Variants in LY75 observed in about 807,000 individuals in gnomAD.
The protein encoded by LY75 is lymphocyte antigen 75, also known as C-type lectin domain family 13 member B.
Under a neutral mutation model 231.7 loss-of-function variants are expected in LY75, and 185 were observed. The observed-to-expected ratio is 0.80, with a 90% CI of 0.71 to 0.90. The LOEUF (loss-of-function observed/expected upper bound fraction) is 0.90. LY75 is among the 40% of genes least tolerant of loss of function. The probability of loss-of-function intolerance (pLI) is 0.00; values close to 1 mark genes in which losing one functional copy is unlikely to be tolerated. For synonymous variants in LY75, 668 were observed against 689.0 expected, an observed-to-expected ratio of 0.97 and a Z score of 0.48; for missense variants, 1,947 against 2,050.2, an observed-to-expected ratio of 0.95 and a Z score of 0.97.
chr2:159,871,075 A>C (rs1685000145), intron 13 of LY75, among the ~76,000 whole-genome samples: 1 of 152,158 alleles, frequency 6.6e-6, no homozygotes. Context: ...AGGGAAATGC[A>C]CTTAACAATG....
intron 27 of LY75, among the ~76,000 whole-genome samples, chr2:159,832,823 C>T (rs746646767): frequency 5.9e-5 from 9 of 152,036 alleles, no homozygotes; most frequent in African/African-American, 9.7e-5. Context: ...TGATGTTATA[C>T]GGAGCATGCT....
Position 159,815,255 on chromosome 2 carries a change from C to T in LY75, c.4549+150G>A, listed in dbSNP as rs1322955976. On this transcript the variant is annotated intron_variant, in intron 31 of 34. Coordinates refer to ENST00000263636, the MANE Select transcript of LY75 (RefSeq NM_002349.4). ...TGACCTCGTGATCCGCACGCCTCGG[C>T]CTCCCAAAGTGCTGGGATTACAGGC... The T allele has an allele frequency of 2.7e-5, 25 of 916,556 alleles. No homozygotes were observed. The South Asian group carries it at 3.5e-4, about 13-fold the overall frequency. 56.8% of individuals were successfully genotyped at this position (916,556 alleles called of 1,614,324 possible). A position where few individuals can be genotyped will look rare whatever the true frequency, so the allele number is the denominator to read the frequency against.
At chr2:159,846,693 C>A (rs1305891585) in intron 23 of LY75, among the ~76,000 whole-genome samples, 1 of 152,040 alleles carries the variant, frequency 6.6e-6, no homozygotes, top group Non-Finnish European at 1.5e-5. Context: ...AAATTTATTT[C>A]TGTAATATTT....
At chr2:159,858,663 G>T (rs947534892) in intron 15 of LY75, among the ~76,000 whole-genome samples, 187 bp from the exon 16 acceptor site, 3 of 152,194 alleles carry the variant, frequency 2.0e-5, no homozygotes, top group Non-Finnish European at 2.9e-5. Context: ...CCTCAAAGGG[G>T]CTAACAAAGG....
At chr2:159,816,506 T>C (rs1355992832) in intron 30 of LY75, among the ~76,000 whole-genome samples, 1 of 152,236 alleles carries the variant, frequency 6.6e-6, no homozygotes, top group African/African-American at 2.4e-5. Flanking sequence ...GGTTTTCTGA[T>C]TCTATGCTAT....
intron 16 of LY75, 51 bp downstream of exon 16, chr2:159,858,311 A>G (rs759685842): frequency 1.4e-5 from 22 of 1,590,194 alleles, no homozygotes; most frequent in Non-Finnish European, 4.3e-6. Context: ...TGAGCTAGGC[A>G]TTCACAATGT....
At position 159,853,293 on chromosome 2, in the gene LY75, G is replaced by C; in HGVS notation, c.2723C>G (p.Ser908Cys). Residue 908 changes from serine (S) to cysteine (C), a missense_variant, in exon 20 of 35, where the codon TCT becomes TGT. Coordinates refer to ENST00000263636, the MANE Select transcript of LY75 (RefSeq NM_002349.4). ...VTFGEECLYMSAKTWLIDLGK... is the reference protein window; with the variant it reads ...VTFGEECLYMCAKTWLIDLGK... ...TTTACCGATAAGCCAAGTCTTGGCA[G>C]ACATGTACAAGCATTCCTCTCCAAA... The C allele has an allele frequency of 6.2e-7, 1 of 1,613,060 alleles. No individual in the cohort carries two copies.
At chr2:159,844,725 C>A (rs1684149725) in intron 23 of LY75, among the ~76,000 whole-genome samples, 1 of 150,496 alleles carries the variant, frequency 6.6e-6, no homozygotes, top group African/African-American at 2.4e-5. Context: ...AAAAAAAACC[C>A]ATAACAAATT....
chr2:159,834,021 G>A (rs746018661), intron 27 of LY75, 23 bp downstream of exon 27: 4 of 1,608,510 alleles, frequency 2.5e-6, no homozygotes, highest in Non-Finnish European at 8.5e-7. Context: ...AGCAACATGA[G>A]AATGGACTAA....
chr2:159,850,261 G>T (rs1048183247), intron 22 of LY75, 101 bp downstream of exon 22: 1 of 1,513,654 alleles, frequency 6.6e-7, no homozygotes, highest in Non-Finnish European at 8.8e-7. Flanking sequence ...CATAACAAAA[G>T]AAGTTTAATA....
chr2:159,848,168 A>G lies in LY75; in HGVS notation c.3150+1812T>C, dbSNP rs987321699. On this transcript the variant is annotated intron_variant, in intron 23 of 34. Transcript: ENST00000263636. ...TTATATATGGTGTGTGTGTGTGTGTATATGTATATATATGTATGTATGTAT... is the reference window on the plus strand; with the variant it reads ...TTATATATGGTGTGTGTGTGTGTGTGTATGTATATATATGTATGTATGTAT... Among the ~76,000 whole-genome samples, 389 of 141,530 alleles carry G rather than the reference A, an allele frequency of 2.7e-3. 1 individual carries two copies. In the Middle Eastern group the frequency reaches 0.036, roughly 13 times the overall value. The allele number at this position is 141,530 out of a possible 152,430, so 92.8% of individuals were successfully genotyped here.
chr2:159,900,791 T>C (rs940421538), intron 1 of LY75, among the ~76,000 whole-genome samples: 1 of 152,116 alleles, frequency 6.6e-6, no homozygotes, highest in African/African-American at 2.4e-5. Context: ...ATTTTAAAAG[T>C]ATTCCACAGG....
At position 159,805,086 on chromosome 2, in the gene LY75, T is replaced by G; in HGVS notation, c.5127A>C (p.Gly1709=). ...GAAGCATAATCTCATCTTCATTCAC[T>G]CCTTGTGCATATCGAACTGATGAGA... ...AGFSSVRYAQ[G]VNEDEIMLPS... is the part of the protein sequence containing the mutation. The change falls in exon 35 of 35, where the codon GGA becomes GGC. Residue 1709 remains glycine (G), a synonymous_variant. Coordinates refer to ENST00000263636, the MANE Select transcript of LY75 (RefSeq NM_002349.4). 1 of 1,614,172 alleles carries G rather than the reference T, an allele frequency of 6.2e-7. No individual in the cohort carries two copies. The highest frequency in any genetic ancestry group is 2.2e-5 in the East Asian group (1 of 44,872).
rs910938270 is a variant in LY75 at position 159,807,099 on chromosome 2, C to T, written c.4864G>A (p.Val1622Ile). 11 of 1,613,786 alleles carry T rather than the reference C, an allele frequency of 6.8e-6. No individual in the cohort carries two copies. Among genetic ancestry groups the T allele is most frequent in the Admixed American group, 6.7e-5 (4 of 59,990 alleles). Residue 1622 changes from valine (V) to isoleucine (I), a missense_variant, in exon 34 of 35, where the codon GTC becomes ATC. Val to Ile is a conservative substitution (Grantham distance 29, BLOSUM62 3). Transcript: ENST00000263636. ...SWLDGSEVTFVKWENKSKSGV... is the reference protein window; with the variant it reads ...SWLDGSEVTFIKWENKSKSGV... ...CTCTTACTTTTATTTTCCCATTTGA[C>T]AAATGTCACTTCTGATCCATCTAAC... is the stretch of plus-strand genomic sequence containing the variant.
At position 159,898,969 on chromosome 2, in the gene LY75, G is replaced by A; in HGVS notation, c.185C>T (p.Thr62Ile). The A allele has an allele frequency of 1.9e-6, 3 of 1,614,220 alleles. No individual in the cohort carries two copies. The highest frequency in any genetic ancestry group is 2.5e-6 in the Non-Finnish European group (3 of 1,180,036). Reference sequence around the variant, plus strand: ...CACCCACTTCCATAACTTGTCCTCAGTTTCATCACAGTCGTCTGCTACTAT... The same window carrying A: ...CACCCACTTCCATAACTTGTCCTCAATTTCATCACAGTCGTCTGCTACTAT... ...GWIVADDCDE[T>I]EDKLWKWVSQ... Residue 62 changes from threonine to isoleucine, a missense_variant, in exon 2 of 35, where the codon ACT becomes ATT. Coordinates refer to ENST00000263636, the MANE Select transcript of LY75 (RefSeq NM_002349.4).
chr2:159,844,850 T>C (rs560256393), intron 23 of LY75, among the ~76,000 whole-genome samples: 2 of 151,776 alleles, frequency 1.3e-5, no homozygotes, highest in East Asian at 1.9e-4. Flanking sequence ...ATGTGTAGGA[T>C]TGTTAAATGG....
At chr2:159,874,207 A>T (rs1410068787) in intron 12 of LY75, among the ~76,000 whole-genome samples, 2 of 132,468 alleles carry the variant, frequency 1.5e-5, no homozygotes, top group Non-Finnish European at 3.1e-5. Context: ...GTAAATATAT[A>T]TAGTAAATAT....
At chr2:159,892,779 A>C (rs548401188) in intron 3 of LY75, among the ~76,000 whole-genome samples, 11 of 152,288 alleles carry the variant, frequency 7.2e-5, no homozygotes, top group Admixed American at 3.9e-4. Flanking sequence ...GTCTTTCTAA[A>C]GAACAGCAAA....
chr2:159,899,904 G>A (rs1161699403), intron 1 of LY75, among the ~76,000 whole-genome samples: 2 of 152,176 alleles, frequency 1.3e-5, no homozygotes, highest in African/African-American at 4.8e-5. Context: ...CATCACAGTC[G>A]TCTGCAACTA....
Sources: gnomAD v4.1 joint callset for allele counts (sites outside exome capture counted in the v4.1 genomes callset) on GRCh38, gnomAD v4.1.1 for gene constraint, MANE v1.5 for transcripts, NCBI Gene and HGNC (gene_info 2026-07-23, HGNC 2026-07-21) for gene names.